ERICH1: variants seen among roughly 807,000 people sequenced by gnomAD.
ERICH1 encodes the protein glutamate rich 1.
A neutral mutation model predicts 39.6 loss-of-function variants in ERICH1; 56 were observed. That is an observed-to-expected ratio of 1.41 (90% confidence interval 1.14 to 1.77). The LOEUF (loss-of-function observed/expected upper bound fraction) is 1.77. Among genes scored for constraint, ERICH1 ranks in the 40% most tolerant of loss-of-function variants. ERICH1 has a pLI of 0.00. For synonymous variants in ERICH1, 313 were observed against 223.6 expected, an observed-to-expected ratio of 1.40 and a Z score of -3.57; for missense variants, 826 against 575.4, an observed-to-expected ratio of 1.44 and a Z score of -4.45.
chr8:701,260 A>T (rs1193269685), intron 2 of ERICH1, among the ~76,000 whole-genome samples: 1 of 151,610 alleles, frequency 6.6e-6, no homozygotes, highest in African/African-American at 2.4e-5. Context: ...GCTGGACGGG[A>T]GCACGCCGTA....
At chr8:693,368 G>A (rs118128325) in intron 2 of ERICH1, among the ~76,000 whole-genome samples, 8 of 152,378 alleles carry the variant, frequency 5.3e-5, no homozygotes, top group Middle Eastern at 3.4e-3. Flanking sequence ...AATACAGTGT[G>A]TTAAAATGAC....
intron 3 of ERICH1, among the ~76,000 whole-genome samples, chr8:622,881 C>T (rs1257955564): frequency 1.3e-5 from 2 of 151,854 alleles, no homozygotes; most frequent in African/African-American, 4.8e-5. Flanking sequence ...TTGCTTGAGC[C>T]CAGGAATTCA....
intron 1 of ERICH1, among the ~76,000 whole-genome samples, chr8:717,327 T>C (rs1156914908): frequency 6.6e-6 from 1 of 152,196 alleles, no homozygotes; most frequent in African/African-American, 2.4e-5. Context: ...CAAAAGCTCC[T>C]GCTGGCTGTG....
chr8:625,651 A>G (rs377357957), intron 3 of ERICH1: 10 of 152,260 alleles, frequency 6.6e-5, no homozygotes, highest in African/African-American at 2.2e-4. Context: ...GACATTAAAA[A>G]TAATAACAAA....
chr8:645,508 C>G lies in ERICH1; in HGVS notation c.976+23090G>C, dbSNP rs561628761. ...AGTCGTGTTTTCCTTACTGTCCCCC[C>G]CAAACCTCATCTTTCTTCTGAAGGA... On this transcript the variant is annotated intron_variant, in intron 3 of 3. Transcript: ENST00000522706. 2.7e-4 allele frequency among the ~76,000 whole-genome samples: 7 copies of G among 26,212 alleles called. 3 individuals are homozygous for G. The highest frequency in any genetic ancestry group is 1.8e-3 in the Admixed American group (5 of 2,844). The allele number at this position is 26,212 out of a possible 152,430, so 17.2% of individuals were successfully genotyped here.
chr8:712,794 C>G, intron 2 of ERICH1, among the ~76,000 whole-genome samples: 1 of 152,198 alleles, frequency 6.6e-6, no homozygotes, highest in East Asian at 1.9e-4. Flanking sequence ...TCGTACAACC[C>G]CACTATAATC....
intron 2 of ERICH1, among the ~76,000 whole-genome samples, chr8:702,898 T>C (rs1366243594): frequency 1.3e-5 from 2 of 152,208 alleles, no homozygotes; most frequent in Non-Finnish European, 2.9e-5. Context: ...AGGGTAGCAG[T>C]GGGTGTCCTA....
At chr8:652,323 A>G (rs996149332) in intron 3 of ERICH1, among the ~76,000 whole-genome samples, 3 of 152,204 alleles carry the variant, frequency 2.0e-5, no homozygotes, top group African/African-American at 7.2e-5. Context: ...CAGAGTCACC[A>G]CCTTTAGGGA....
intron 3 of ERICH1, among the ~76,000 whole-genome samples, chr8:656,356 C>A (rs13252487): frequency 0.096 from 14,587 of 152,228 alleles, 897 homozygotes; most frequent in East Asian, 0.27. Context: ...CCCAAAATAT[C>A]TGACCCAGTG....
intron 3 of ERICH1, chr8:616,702 G>C (rs1584919856): frequency 4.6e-6 from 2 of 437,194 alleles, no homozygotes; most frequent in Non-Finnish European, 9.1e-6. Context: ...AGAGGGACAG[G>C]GAGAGAGATA....
chr8:663,676 T>C (rs563935541), downstream of ERICH1, among the ~76,000 whole-genome samples: 2 of 152,132 alleles, frequency 1.3e-5, no homozygotes, highest in Admixed American at 6.5e-5. Context: ...TAAAATGAGC[T>C]GTATGTATGT....
chr8:722,642 G>A (rs761385348), intron 1 of ERICH1, among the ~76,000 whole-genome samples: 3 of 152,198 alleles, frequency 2.0e-5, no homozygotes, highest in Non-Finnish European at 4.4e-5. Context: ...TTGGGTATGC[G>A]ACTCCTGGTG....
In ERICH1 at chr8:668,623, G is replaced by C. The variant is rs1802660037; in HGVS notation, c.1233C>G (p.Phe411Leu). The C allele has an allele frequency of 2.5e-6, 4 of 1,614,198 alleles. No homozygotes were observed. Among genetic ancestry groups the C allele is most frequent in the East Asian group, 4.5e-5 (2 of 44,876 alleles). Reference sequence around the variant, plus strand: ...CAGGAGGCATCGTGCAATGTTCTGGGAACATTTCCAGAGCATGCTTCAATC... The same window carrying C: ...CAGGAGGCATCGTGCAATGTTCTGGCAACATTTCCAGAGCATGCTTCAATC... ...TERLKHALEMFPEHCTMPPDH... is the reference protein window; with the variant it reads ...TERLKHALEMLPEHCTMPPDH... Residue 411 changes from phenylalanine to leucine, a missense_variant, in exon 5 of 6, where the codon TTC becomes TTG. Physicochemically the swap from Phe to Leu is conservative, Grantham distance 22. Transcript: ENST00000262109.
intron 4 of ERICH1, chr8:672,204 G>A (rs1056192231): frequency 2.0e-5 from 3 of 152,262 alleles, no homozygotes; most frequent in Non-Finnish European, 2.9e-5. Flanking sequence ...TCTGCCCCAA[G>A]CTGCTCGATC....
At chr8:658,952 G>A (rs1287584049) in intron 3 of ERICH1, among the ~76,000 whole-genome samples, 2 of 152,182 alleles carry the variant, frequency 1.3e-5, no homozygotes, top group Non-Finnish European at 2.9e-5. Flanking sequence ...TTCAGGAGCT[G>A]GGACTCCATC....
intron 3 of ERICH1, among the ~76,000 whole-genome samples, chr8:651,735 T>A (rs570839252): frequency 1.5e-5 from 2 of 131,120 alleles, no homozygotes; most frequent in African/African-American, 5.9e-5. Context: ...GGGAGAAGAC[T>A]GAGGGGAGAG....
chr8:654,182 A>G (rs562724373), intron 3 of ERICH1, among the ~76,000 whole-genome samples: 1 of 152,366 alleles, frequency 6.6e-6, no homozygotes, highest in East Asian at 1.9e-4. Context: ...CAAAAGCCCC[A>G]GTTCTTTCAA....
At chr8:684,754 C>G (rs1180953859) in intron 3 of ERICH1, among the ~76,000 whole-genome samples, 1 of 152,152 alleles carries the variant, frequency 6.6e-6, no homozygotes, top group Non-Finnish European at 1.5e-5. Context: ...AGCTGGGTGT[C>G]CGGGGGAGAC....
rs538854918 is a variant in ERICH1, at chr8:704,431, G to C, written c.169+11430C>G. Among the ~76,000 whole-genome samples the C allele has an allele frequency of 1.1e-4, 17 of 152,266 alleles. No homozygotes were observed. In the East Asian group the frequency reaches 2.9e-3, roughly 26 times the overall value. ...TCTGACCATAGAACAAGGACAGGGA[G>C]GTGAGGGGAGAAATTAGTACTATTA... On this transcript the variant is annotated intron_variant, in intron 2 of 5. Coordinates refer to ENST00000262109, the MANE Select transcript of ERICH1 (RefSeq NM_207332.3).
Sources: gnomAD v4.1 joint callset for allele counts (sites outside exome capture counted in the v4.1 genomes callset) on GRCh38, gnomAD v4.1.1 for gene constraint, MANE v1.5 for transcripts, NCBI Gene and HGNC (gene_info 2026-07-23, HGNC 2026-07-21) for gene names.